Variants in WIPI1 observed in about 807,000 individuals in gnomAD.
The protein encoded by WIPI1 is WD repeat domain phosphoinositide-interacting protein 1.
WIPI1 carries 45 observed loss-of-function variants against 55.3 expected under a neutral mutation model. The ratio of observed to expected loss-of-function variants is 0.81; its 90% CI spans 0.64 to 1.04. The LOEUF (loss-of-function observed/expected upper bound fraction) is 1.04, where lower values mean the gene tolerates loss of function less well. Among genes scored for constraint, WIPI1 ranks in the 50% least tolerant of loss-of-function variants. The pLI is 0.00. For synonymous variants in WIPI1, 195 were observed against 217.6 expected (o/e 0.90, Z 0.92); for missense variants, 445 against 559.0 (o/e 0.80, Z 2.06).
At chr17:68,422,934 C>G (rs2082903743) in intron 12 of WIPI1, among the ~76,000 whole-genome samples, 1 of 152,044 alleles carries the variant, frequency 6.6e-6, no homozygotes, top group Non-Finnish European at 1.5e-5. Flanking sequence ...TCTTTTCTTT[C>G]ACTGCTCTCA....
In WIPI1 at chr17:68,430,173, G is replaced by A. The variant is rs769974782; in HGVS notation, c.801-13C>T. On this transcript the variant is annotated splice_polypyrimidine_tract_variant and intron_variant, in intron 8 of 12. Coordinates refer to ENST00000262139, the MANE Select transcript of WIPI1 (RefSeq NM_017983.7). Reference sequence around the variant, plus strand: ...CTCTTCTGGTCGACTAGGGAGTAATGCACAGGCAACGATGGGACTGGGCTG... The same window carrying A: ...CTCTTCTGGTCGACTAGGGAGTAATACACAGGCAACGATGGGACTGGGCTG... The A allele has an allele frequency of 6.2e-7, 1 of 1,607,528 alleles. No individual in the cohort carries two copies. The highest frequency in any genetic ancestry group is 1.7e-5 in the Admixed American group (1 of 58,762).
Position 68,421,582 on chromosome 17 carries a change from G to A in WIPI1, c.*191C>T, listed in dbSNP as rs1003450159. On this transcript the variant is annotated 3_prime_UTR_variant, in exon 13 of 13. Coordinates refer to ENST00000262139, the MANE Select transcript of WIPI1 (RefSeq NM_017983.7). ...ATGATGTGTATACAATGTCTCCCGC[G>A]CCCATTGGCAACCAGGGTCGTGGGA... 1.1e-4 allele frequency: 73 copies of A among 674,418 alleles called. No homozygotes were observed. The highest frequency in any genetic ancestry group is 1.1e-3 in the South Asian group (64 of 59,326). 41.8% of individuals were successfully genotyped at this position (674,418 alleles called of 1,614,324 possible). A position where few individuals can be genotyped will look rare whatever the true frequency, so the allele number is the denominator to read the frequency against.
intron 12 of WIPI1, among the ~76,000 whole-genome samples, chr17:68,422,961 C>A (rs1201605833): frequency 6.6e-6 from 1 of 152,052 alleles, no homozygotes; most frequent in Non-Finnish European, 1.5e-5. Context: ...AAGTAAATCC[C>A]AAGGAGGCAA....
intron 8 of WIPI1, among the ~76,000 whole-genome samples, chr17:68,432,139 AT>A (rs1220478418): frequency 1.3e-5 from 2 of 152,170 alleles, no homozygotes; most frequent in Non-Finnish European, 2.9e-5. Context: ...ACCTGTGCAG[AT>A]TGGGGGTTGG....
chr17:68,426,759 C>T (rs546488392), intron 11 of WIPI1, among the ~76,000 whole-genome samples: 1 of 152,058 alleles, frequency 6.6e-6, no homozygotes, highest in African/African-American at 2.4e-5. Flanking sequence ...GGTCTCAAAC[C>T]CCTGGCCTCC....
chr17:68,445,757 G>A (rs751479023), intron 3 of WIPI1, among the ~76,000 whole-genome samples: 1 of 152,220 alleles, frequency 6.6e-6, no homozygotes, highest in Non-Finnish European at 1.5e-5. Flanking sequence ...TGCTGGTGAG[G>A]AGGTGTCAGG....
At chr17:68,438,938 G>A (rs2083956035) in intron 4 of WIPI1, among the ~76,000 whole-genome samples, 1 of 152,180 alleles carries the variant, frequency 6.6e-6, no homozygotes, top group Admixed American at 6.5e-5. Context: ...TTAAAAACAC[G>A]ATGAGATACC....
chr17:68,447,443 G>A (rs1035632206), intron 3 of WIPI1, among the ~76,000 whole-genome samples: 7 of 152,082 alleles, frequency 4.6e-5, no homozygotes, highest in Admixed American at 1.3e-4. Flanking sequence ...ATGCAGCAGC[G>A]TGATCATAGC....
chr17:68,454,448 C>G (rs1385477046), intron 1 of WIPI1, among the ~76,000 whole-genome samples: 1 of 152,170 alleles, frequency 6.6e-6, no homozygotes, highest in Non-Finnish European at 1.5e-5. Context: ...TTGTTCTTCC[C>G]TGGGACACAG....
At position 68,457,472 on chromosome 17, in the gene WIPI1, A is replaced by G. The variant is rs2084677212; in HGVS notation, c.-51T>C. ...GCTCGGAGCCGGCGACAGCCACCTC[A>G]GCAGCCCGCCCGCGCCGGCTCCACG... On this transcript the variant is annotated 5_prime_UTR_variant, in exon 1 of 13. Transcript: ENST00000262139. 7.3e-7 allele frequency: 1 copy of G among 1,372,496 alleles called. No individual in the cohort carries two copies. Among genetic ancestry groups the G allele is most frequent in the African/African-American group, 1.6e-5 (1 of 64,172 alleles). The allele number at this position is 1,372,496 out of a possible 1,614,324, so 85.0% of individuals were successfully genotyped here.
At chr17:68,440,007 G>A (rs767198698) in intron 4 of WIPI1, among the ~76,000 whole-genome samples, 2 of 152,176 alleles carry the variant, frequency 1.3e-5, no homozygotes, top group Non-Finnish European at 1.5e-5. Flanking sequence ...GGGAAGAAAC[G>A]TTTAAACTTT....
intron 4 of WIPI1, chr17:68,440,554 T>C (rs2084032302): frequency 6.6e-6 from 1 of 152,222 alleles, no homozygotes; most frequent in African/African-American, 2.4e-5. Context: ...GTTCTGAACA[T>C]CTGAGCATAT....
At chr17:68,434,456 G>C in intron 7 of WIPI1, 100 bp downstream of exon 7, 2 of 1,226,942 alleles carry the variant, frequency 1.6e-6, no homozygotes, top group Non-Finnish European at 2.3e-6. Context: ...GGTGAGTGGA[G>C]GGCACAGAGC....
chr17:68,442,062 T>C (rs73359920), intron 4 of WIPI1, among the ~76,000 whole-genome samples: 1,545 of 152,272 alleles, frequency 0.01, 32 homozygotes, highest in African/African-American at 0.036. Flanking sequence ...GGAACACAAA[T>C]AGCCCTGCAC....
At chr17:68,439,447 A>G (rs2083981116) in intron 4 of WIPI1, among the ~76,000 whole-genome samples, 1 of 152,158 alleles carries the variant, frequency 6.6e-6, no homozygotes, top group Non-Finnish European at 1.5e-5. Context: ...TCTAATAGAG[A>G]CAGAAAGTAG....
intron 11 of WIPI1, 67 bp from the exon 12 acceptor site, chr17:68,426,242 TG>T: frequency 3.0e-6 from 2 of 669,002 alleles, no homozygotes; most frequent in Non-Finnish European, 4.4e-6. Flanking sequence ...ACCTGGCGGG[TG>T]GGGAGCGGGG....
intron 11 of WIPI1, 77 bp from the exon 12 acceptor site, chr17:68,426,252 G>GGGGC: frequency 1.2e-6 from 1 of 828,188 alleles, no homozygotes; most frequent in Non-Finnish European, 1.9e-6. Flanking sequence ...TGGGGAGCGG[G>GGGGC]GGCTCAAATA....
intron 3 of WIPI1, among the ~76,000 whole-genome samples, chr17:68,447,227 C>T (rs2084319151): frequency 6.6e-6 from 1 of 152,178 alleles, no homozygotes; most frequent in Non-Finnish European, 1.5e-5. Context: ...TGGGAGGAGA[C>T]TGCAAAAGAA....
intron 12 of WIPI1, chr17:68,424,696 T>C (rs2083038829): frequency 5.9e-6 from 2 of 341,756 alleles, no homozygotes; most frequent in Non-Finnish European, 1.2e-5. Context: ...ACCAACATGG[T>C]GAAACCCCGT....
Sources: gnomAD v4.1 joint callset for allele counts (sites outside exome capture counted in the v4.1 genomes callset) on GRCh38, gnomAD v4.1.1 for gene constraint, MANE v1.5 for transcripts, NCBI Gene and HGNC (gene_info 2026-07-23, HGNC 2026-07-21) for gene names.